Variants in WWOX observed in about 807,000 individuals in gnomAD.
The protein encoded by WWOX is WW domain containing oxidoreductase, also known as WW domain-containing oxidoreductase.
In WWOX, 69 loss-of-function variants were observed where a neutral mutation model predicts 46.2. That is an observed-to-expected ratio of 1.49 (90% CI 1.23 to 1.82). The LOEUF (loss-of-function observed/expected upper bound fraction) is 1.82. Among genes scored for constraint, WWOX ranks in the 40% most tolerant of loss-of-function variants. The pLI, the probability that WWOX is intolerant of heterozygous loss-of-function variation, is 0.00. For missense variants in WWOX, 919 were observed against 542.6 expected, an observed-to-expected ratio of 1.69 and a Z score of -6.89; for synonymous variants, 359 against 202.6, an observed-to-expected ratio of 1.77 and a Z score of -6.56.
In WWOX at chr16:78,358,884, T is replaced by TTTTTTTA. The variant is rs71137890; in HGVS notation, c.517-27976_517-27975insTTTTTTA. On this transcript the variant is annotated intron_variant, in intron 5 of 8. Coordinates refer to ENST00000566780, the MANE Select transcript of WWOX (RefSeq NM_016373.4). ...CTGTGGTCTTTTTTTTTTTTTTTTT[T>TTTTTTTA]AACCAGACATATAGTGGCCATGTTT... Among the ~76,000 whole-genome samples the TTTTTTTA allele has an allele frequency of 6.0e-5, 9 of 148,876 alleles. 1 individual carries two copies. The highest frequency in any genetic ancestry group is 2.2e-4 in the African/African-American group (9 of 41,004).
At chr16:78,595,171 T>A (rs1597322481) in intron 8 of WWOX, among the ~76,000 whole-genome samples, 1 of 152,226 alleles carries the variant, frequency 6.6e-6, no homozygotes, top group Non-Finnish European at 1.5e-5. Flanking sequence ...AGACATATAC[T>A]TCATTGCAGG....
chr16:78,959,781 G>T (rs1441432093), intron 8 of WWOX, among the ~76,000 whole-genome samples: 1 of 152,150 alleles, frequency 6.6e-6, no homozygotes, highest in Non-Finnish European at 1.5e-5. Flanking sequence ...ACAAGTGAGG[G>T]AAAGATGTCC....
At chr16:78,945,927 C>A (rs927791155) in intron 8 of WWOX, among the ~76,000 whole-genome samples, 2 of 152,126 alleles carry the variant, frequency 1.3e-5, no homozygotes, top group African/African-American at 4.8e-5. Flanking sequence ...GTTCATCTCA[C>A]CACGTAGTCA....
In WWOX at chr16:78,732,860, T is replaced by A. The variant is rs377678448; in HGVS notation, c.1056+300108T>A. 5.9e-5 allele frequency among the ~76,000 whole-genome samples: 9 copies of A among 152,324 alleles called. No individual in the cohort carries two copies. In the East Asian group the frequency reaches 1.4e-3, roughly 23 times the overall value. The stretch of plus-strand genomic sequence containing the variant: ...AGGCAGGGCTTAGGAATTATCTCCC[T>A]TAGGTTTGACTTCTTTCTTTCTTGA... On this transcript the variant is annotated intron_variant, in intron 8 of 8. Transcript: ENST00000566780.
chr16:78,668,390 G>C (rs1437658738), intron 8 of WWOX, among the ~76,000 whole-genome samples: 1 of 152,184 alleles, frequency 6.6e-6, no homozygotes, highest in Non-Finnish European at 1.5e-5. Flanking sequence ...TGAGGGCAAG[G>C]ACCACAAGAT....
rs1221635417 is a variant in WWOX, at chr16:78,321,296, ATATATACGTATATATATG to A, written c.517-65563_517-65546del. ...TTTTTAAATATATATATATACGTAT[ATATATACGTATATATATG>A]CGTATATATATACGTATATATGCGT... On this transcript the variant is annotated intron_variant, in intron 5 of 8. Coordinates refer to ENST00000566780, the MANE Select transcript of WWOX (RefSeq NM_016373.4). Among the ~76,000 whole-genome samples the A allele has an allele frequency of 6.1e-3, 549 of 90,602 alleles. 26 individuals are homozygous for A. Among genetic ancestry groups the A allele is most frequent in the African/African-American group, 0.014 (395 of 28,286 alleles). The allele number at this position is 90,602 out of a possible 152,430, so 59.4% of individuals were successfully genotyped here. A position where few individuals can be genotyped will look rare whatever the true frequency, so the allele number is the denominator to read the frequency against.
rs140652708 is a variant in WWOX at position 78,946,968 on chromosome 16, C to T, written c.1057-264640C>T. On this transcript the variant is annotated intron_variant, in intron 8 of 8. Coordinates refer to ENST00000566780, the MANE Select transcript of WWOX (RefSeq NM_016373.4). ...TAAAGCTTTAGGAGTTGGTATCGCA[C>T]GCAGGCATTAAATGGATTGTGAAGA... Among the ~76,000 whole-genome samples, 7 of 152,112 alleles carry T rather than the reference C, an allele frequency of 4.6e-5. No individual in the cohort carries two copies. In the East Asian group the frequency reaches 7.7e-4, roughly 17 times the overall value.
chr16:78,662,388 C>G (rs577840455), intron 8 of WWOX, among the ~76,000 whole-genome samples: 5 of 152,100 alleles, frequency 3.3e-5, no homozygotes, highest in Admixed American at 6.5e-5. Context: ...TTTTCTCTTT[C>G]GTTTGTTCTG....
At chr16:78,638,166 T>G (rs2046619777) in intron 8 of WWOX, among the ~76,000 whole-genome samples, 1 of 152,146 alleles carries the variant, frequency 6.6e-6, no homozygotes, top group Non-Finnish European at 1.5e-5. Context: ...GGCAATTATT[T>G]TACATGACAG....
chr16:79,148,635 G>C (rs1463957702), intron 8 of WWOX, among the ~76,000 whole-genome samples: 1 of 152,098 alleles, frequency 6.6e-6, no homozygotes, highest in Admixed American at 6.5e-5. Flanking sequence ...TAAATCTATA[G>C]GTCTAACATT....
chr16:78,510,388 T>C (rs2085333506), intron 8 of WWOX, among the ~76,000 whole-genome samples: 1 of 152,138 alleles, frequency 6.6e-6, no homozygotes, highest in African/African-American at 2.4e-5. Flanking sequence ...GTATTTTTAG[T>C]AGAGATGGAG....
chr16:78,707,555 A>G (rs1442953213), intron 8 of WWOX, among the ~76,000 whole-genome samples: 3 of 152,144 alleles, frequency 2.0e-5, no homozygotes, highest in East Asian at 3.9e-4. Context: ...GAAGTCAGAA[A>G]TAAAGGCTAC....
chr16:79,128,379 CAAAAAACA>C (rs141015507), intron 8 of WWOX, among the ~76,000 whole-genome samples: 189 of 148,724 alleles, frequency 1.3e-3, no homozygotes, highest in African/African-American at 4.6e-3. Flanking sequence ...AAACAAAAAA[CAAAAAACA>C]AAAAAAAAAA....
At chr16:78,502,681 C>G (rs1309473597) in intron 8 of WWOX, among the ~76,000 whole-genome samples, 1 of 152,174 alleles carries the variant, frequency 6.6e-6, no homozygotes, top group African/African-American at 2.4e-5. Context: ...ATTCCAATAT[C>G]CTTTGATGAC....
chr16:78,973,451 C>T (rs1477293034), intron 8 of WWOX, among the ~76,000 whole-genome samples: 1 of 152,162 alleles, frequency 6.6e-6, no homozygotes, highest in Non-Finnish European at 1.5e-5. Flanking sequence ...AGTATGAATT[C>T]TCATATGTTC....
At chr16:79,046,593 C>G (rs369408859) in intron 8 of WWOX, among the ~76,000 whole-genome samples, 2 of 152,094 alleles carry the variant, frequency 1.3e-5, no homozygotes, top group African/African-American at 4.8e-5. Context: ...AGTGTTTCTC[C>G]CAGTTCCTCC....
chr16:79,075,545 C>G (rs1038909882), intron 8 of WWOX, among the ~76,000 whole-genome samples: 1 of 33,278 alleles, frequency 3.0e-5, no homozygotes, highest in African/African-American at 1.4e-4. Flanking sequence ...TCCTTTCTCT[C>G]TCTCTCTTTT....
chr16:78,104,328 AACAC>A (rs200335439), intron 1 of WWOX, among the ~76,000 whole-genome samples: 62 of 138,574 alleles, frequency 4.5e-4, no homozygotes, highest in Non-Finnish European at 5.7e-4. Flanking sequence ...GTGCTCAAAA[AACAC>A]ACGCACGCAC....
chr16:78,468,840 C>T (rs2738674), intron 8 of WWOX, among the ~76,000 whole-genome samples: 57,589 of 152,112 alleles, frequency 0.38, 13,317 homozygotes, highest in African/African-American at 0.66. Context: ...TATTATATTA[C>T]ACCACATCTT....
Sources: gnomAD v4.1 joint callset for allele counts (sites outside exome capture counted in the v4.1 genomes callset) on GRCh38, gnomAD v4.1.1 for gene constraint, MANE v1.5 for transcripts, NCBI Gene and HGNC (gene_info 2026-07-23, HGNC 2026-07-21) for gene names.